Variants in C17orf107 observed in about 807,000 individuals in gnomAD.
C17orf107 encodes the protein chromosome 17 open reading frame 107.
Under a neutral mutation model 8.9 loss-of-function variants are expected in C17orf107, and 9 were observed. That is an observed-to-expected ratio of 1.02 (90% CI 0.61 to 1.77). C17orf107 has a LOEUF of 1.77. C17orf107 is among the 40% of genes most tolerant of loss of function. C17orf107 has a pLI of 0.00. For missense variants in C17orf107, 281 were observed against 249.0 expected (o/e 1.13, Z -0.86); for synonymous variants, 139 against 120.3 (o/e 1.16, Z -1.02).
intron 2 of C17orf107, 29 bp from the exon 3 acceptor site, chr17:4,900,208 C>G (rs1272271645): frequency 1.3e-6 from 2 of 1,543,038 alleles, no homozygotes; most frequent in African/African-American, 2.7e-5. Context: ...ACCTCTGCCT[C>G]CCCGCTAACC....
rs566330502 is a variant in C17orf107 at position 4,901,675 on chromosome 17, C to G, written c.*1142C>G. ...ACCCCAGAAGCTCTGACCTGGGCCC[C>G]GGCCTCAGGCCCAGCCCTGGAAGCT... On this transcript the variant is annotated 3_prime_UTR_variant, in exon 3 of 3. Coordinates refer to ENST00000381365, the MANE Select transcript of C17orf107 (RefSeq NM_001145536.2). The G allele has an allele frequency of 1.4e-5, 21 of 1,540,334 alleles. No individual in the cohort carries two copies. In the East Asian group the frequency reaches 3.1e-4, roughly 23 times the overall value.
At chr17:4,906,527 G>C (rs909221851), downstream of C17orf107, among the ~76,000 whole-genome samples, 2 of 152,132 alleles carry the variant, frequency 1.3e-5, no homozygotes, top group Non-Finnish European at 2.9e-5. Flanking sequence ...GAGGGCAGAA[G>C]ATTTGAATAG....
At chr17:4,902,942 CTCTG>C (rs890775918), downstream of C17orf107, 181 of 1,602,994 alleles carry the variant, frequency 1.1e-4, no homozygotes, top group Middle Eastern at 8.3e-4. The surrounding 1 kb of genome is among the most constrained non-coding windows in gnomAD (Gnocchi z 4.0). Flanking sequence ...CCATCTTGGT[CTCTG>C]TCTTTGTCTT....
At position 4,901,823 on chromosome 17, in the gene C17orf107, C is replaced by T. The variant is rs1969995971; in HGVS notation, c.*1290C>T. ...CCCACCCAGTGCCTACGCCTGGCTCCGCCTCCAGCGCGAAGCCCCGCCCCG... is the reference window on the plus strand; with the variant it reads ...CCCACCCAGTGCCTACGCCTGGCTCTGCCTCCAGCGCGAAGCCCCGCCCCG... On this transcript the variant is annotated 3_prime_UTR_variant, in exon 3 of 3. Coordinates refer to ENST00000381365, the MANE Select transcript of C17orf107 (RefSeq NM_001145536.2). The T allele has an allele frequency of 1.3e-6, 2 of 1,513,280 alleles. No individual in the cohort carries two copies. Among genetic ancestry groups the T allele is most frequent in the East Asian group, 2.3e-5 (1 of 44,236 alleles). The allele number at this position is 1,513,280 out of a possible 1,614,324, so 93.7% of individuals were successfully genotyped here.
At position 4,901,676 on chromosome 17, in the gene C17orf107, G is replaced by A. The variant is rs749646840; in HGVS notation, c.*1143G>A. 6 of 1,541,896 alleles carry A rather than the reference G, an allele frequency of 3.9e-6. No individual in the cohort carries two copies. The highest frequency in any genetic ancestry group is 2.2e-5 in the South Asian group (2 of 89,506). ...CCCCAGAAGCTCTGACCTGGGCCCC[G>A]GCCTCAGGCCCAGCCCTGGAAGCTG... is the stretch of plus-strand genomic sequence containing the variant. On this transcript the variant is annotated 3_prime_UTR_variant, in exon 3 of 3. Transcript: ENST00000381365.
Position 4,901,037 on chromosome 17 carries a change from A to G in C17orf107, c.*504A>G. 1 of 1,614,058 alleles carries G rather than the reference A, an allele frequency of 6.2e-7. No individual in the cohort carries two copies. Among genetic ancestry groups the G allele is most frequent in the Non-Finnish European group, 8.5e-7 (1 of 1,179,972 alleles). On this transcript the variant is annotated 3_prime_UTR_variant, in exon 3 of 3. Transcript: ENST00000381365. ...GAGCAGCACCAGGCCCGAGATGAGC[A>G]CACAGGGCACGATGATGTTAATGAC...
rs59963145 is a variant in C17orf107, at chr17:4,901,891, C to T, written c.*1358C>T. ...TTGGCCCCGCCCCATAAGGCCCCCC[C>T]CCAACAATAATCGTCCGGGCCTCGG... On this transcript the variant is annotated 3_prime_UTR_variant, in exon 3 of 3. Coordinates refer to ENST00000381365, the MANE Select transcript of C17orf107 (RefSeq NM_001145536.2). 89 of 1,606,320 alleles carry T rather than the reference C, an allele frequency of 5.5e-5. No individual in the cohort carries two copies. The highest frequency in any genetic ancestry group is 1.3e-4 in the Admixed American group (8 of 59,970).
Position 4,900,730 on chromosome 17 carries a change from TG to T in C17orf107, c.*200del. 1.3e-6 allele frequency: 2 copies of T among 1,534,020 alleles called. No homozygotes were observed. The highest frequency in any genetic ancestry group is 2.4e-5 in the East Asian group (1 of 41,786). On this transcript the variant is annotated 3_prime_UTR_variant, in exon 3 of 3. Coordinates refer to ENST00000381365, the MANE Select transcript of C17orf107 (RefSeq NM_001145536.2). ...CAGCCAGAGCTTTTCCCGGGGTCTC[TG>T]GGTTTTGGCCACGCCCCCACCCTTC...
chr17:4,902,575 C>G lies in C17orf107; in HGVS notation c.*2042C>G. Reference sequence around the variant, plus strand: ...TTAGGACAGAGCTCAGCGGTTGGGGCCAGAAGTGGGATTTTTGGCTTAAGA... The same window carrying G: ...TTAGGACAGAGCTCAGCGGTTGGGGGCAGAAGTGGGATTTTTGGCTTAAGA... On this transcript the variant is annotated 3_prime_UTR_variant, in exon 3 of 3. Coordinates refer to ENST00000381365, the MANE Select transcript of C17orf107 (RefSeq NM_001145536.2). This position sits in a 1 kb window ranked among gnomAD's most constrained non-coding sequence, Gnocchi z 4.0. 1 of 1,614,030 alleles carries G rather than the reference C, an allele frequency of 6.2e-7. No individual in the cohort carries two copies.
At position 4,899,953 on chromosome 17, in the gene C17orf107, G is replaced by A. The variant is rs753823312; in HGVS notation, c.84G>A (p.Pro28=). 6.4e-6 allele frequency: 10 copies of A among 1,550,910 alleles called. No homozygotes were observed. The highest frequency in any genetic ancestry group is 2.4e-5 in the South Asian group (2 of 84,002). Reference sequence around the variant, plus strand: ...TTCTCCAGGTGGCCCTCCAGCCCCCGCTTCTGTCTTCCCTGGAACTCTCCG... The same window carrying A: ...TTCTCCAGGTGGCCCTCCAGCCCCCACTTCTGTCTTCCCTGGAACTCTCCG... ...HSSTEVALQP[P]LLSSLELSVA... Residue 28 remains proline (P), a synonymous_variant, in exon 2 of 3, where the codon CCG becomes CCA. Coordinates refer to ENST00000381365, the MANE Select transcript of C17orf107 (RefSeq NM_001145536.2).
chr17:4,903,140 G>A, downstream of C17orf107: 1 of 1,455,572 alleles, frequency 6.9e-7, no homozygotes, highest in South Asian at 1.2e-5. Flanking sequence ...TGTGTGAGGG[G>A]GAGGAGGGTG....
At chr17:4,903,014 G>A (rs760244900), downstream of C17orf107, 41 of 1,613,868 alleles carry the variant, frequency 2.5e-5, no homozygotes, top group Admixed American at 6.7e-5. Flanking sequence ...GCCCCTGTCC[G>A]TACCGAGAAG....
At position 4,902,627 on chromosome 17, in the gene C17orf107, G is replaced by C; in HGVS notation, c.*2094G>C. The C allele has an allele frequency of 6.2e-7, 1 of 1,614,104 alleles. No homozygotes were observed. The highest frequency in any genetic ancestry group is 1.1e-5 in the South Asian group (1 of 91,078). On this transcript the variant is annotated 3_prime_UTR_variant, in exon 3 of 3. Transcript: ENST00000381365. The surrounding 1 kb of genome is among the most constrained non-coding windows in gnomAD (Gnocchi z 4.0). ...GAGGGTGGGGGTAGCTTACCAGTGA[G>C]ATGAGATTCGTCAGGGTGACCTTGA...
At chr17:4,904,571 A>G (rs1192490065), downstream of C17orf107, among the ~76,000 whole-genome samples, 1 of 152,128 alleles carries the variant, frequency 6.6e-6, no homozygotes, top group Non-Finnish European at 1.5e-5. Flanking sequence ...TCATTTCCTC[A>G]CAGCAGTCCA....
chr17:4,904,041 T>A (rs1970056480), downstream of C17orf107, among the ~76,000 whole-genome samples: 1 of 151,998 alleles, frequency 6.6e-6, no homozygotes, highest in Non-Finnish European at 1.5e-5. Context: ...TATTTTTTAG[T>A]AGAGATGGGG....
At position 4,899,786 on chromosome 17, in the gene C17orf107, G is replaced by A; in HGVS notation, c.24G>A (p.Leu8=). 6.4e-7 allele frequency: 1 copy of A among 1,551,240 alleles called. No individual in the cohort carries two copies. Residue 8 remains leucine (L), a synonymous_variant, in exon 1 of 3, where the codon CTG becomes CTA. Transcript: ENST00000381365. MKGTPSS[L]DTLMWIYHFH... ...CCATGAAGGGGACCCCCAGCTCCCT[G>A]GACACCCTGATGTGGATCTACCACT...
In C17orf107 at chr17:4,900,013, CAG is replaced by C; in HGVS notation, c.149_150del (p.Glu50AlafsTer192). ...CCCATGAATATCTGGAGCAGAGGTTCAGAGAGCTGAAGTCCCTGGAGCCACCC... is the reference window on the plus strand; with the variant it reads ...CCCATGAATATCTGGAGCAGAGGTTCAGAGCTGAAGTCCCTGGAGCCACCC... Reference protein sequence around the residue: ...AAHEYLEQRFRELKSLEPPEP... With the variant: ...AAHEYLEQRFXELKSLEPPEP... On this transcript the variant is annotated frameshift_variant, in exon 2 of 3. Transcript: ENST00000381365. LOFTEE classifies it high-confidence loss of function. The C allele has an allele frequency of 6.4e-7, 1 of 1,551,552 alleles. No homozygotes were observed.
chr17:4,902,606 G>A lies in C17orf107; in HGVS notation c.*2073G>A. The A allele has an allele frequency of 6.2e-7, 1 of 1,614,162 alleles. No homozygotes were observed. The highest frequency in any genetic ancestry group is 8.5e-7 in the Non-Finnish European group (1 of 1,180,030). The stretch of plus-strand genomic sequence containing the variant: ...GTGGGATTTTTGGCTTAAGATGAGG[G>A]TGGGGGTAGCTTACCAGTGAGATGA... On this transcript the variant is annotated 3_prime_UTR_variant, in exon 3 of 3. Coordinates refer to ENST00000381365, the MANE Select transcript of C17orf107 (RefSeq NM_001145536.2). This position sits in a 1 kb window ranked among gnomAD's most constrained non-coding sequence, Gnocchi z 4.0.
At chr17:4,903,897 G>A (rs775189808), downstream of C17orf107, among the ~76,000 whole-genome samples, 3 of 152,144 alleles carry the variant, frequency 2.0e-5, no homozygotes, top group Non-Finnish European at 4.4e-5. Flanking sequence ...TCGCTCTGGC[G>A]CCCAGACTGG....
Sources: allele counts gnomAD v4.1 joint callset (sites outside exome capture counted in the v4.1 genomes callset), GRCh38; gene constraint gnomAD v4.1.1; non-coding constraint Gnocchi (gnomAD v3.1); transcripts MANE v1.5; gene names NCBI Gene and HGNC (gene_info 2026-07-23, HGNC 2026-07-21).